Variants in BTBD1 observed in about 807,000 individuals in gnomAD.
BTBD1 encodes the protein BTB/POZ domain-containing protein 1.
Under a neutral mutation model 48.0 loss-of-function variants are expected in BTBD1, and 34 were observed. The ratio of observed to expected loss-of-function variants is 0.71; its 90% CI spans 0.54 to 0.94. The LOEUF is 0.94. Ranked by LOEUF, BTBD1 falls within the 40% of genes least tolerant of loss-of-function variation. BTBD1 has a pLI of 0.00. For synonymous variants in BTBD1, 261 were observed against 242.1 expected, an observed-to-expected ratio of 1.08 and a Z score of -0.72; for missense variants, 543 against 625.6, an observed-to-expected ratio of 0.87 and a Z score of 1.41.
chr15:83,058,254 T>A (rs1458079293), intron 1 of BTBD1, among the ~76,000 whole-genome samples: 1 of 152,264 alleles, frequency 6.6e-6, no homozygotes, highest in African/African-American at 2.4e-5. Flanking sequence ...TCCAGATTCA[T>A]CTACTCTAGT....
chr15:83,055,305 T>C (rs952921646), intron 2 of BTBD1, among the ~76,000 whole-genome samples: 4 of 152,240 alleles, frequency 2.6e-5, no homozygotes, highest in Admixed American at 2.6e-4. Context: ...TCACCCAAGC[T>C]GGACTGCAAT....
Position 83,018,753 on chromosome 15 carries a change from A to T in BTBD1, c.1244T>A (p.Ile415Lys). The change falls in exon 7 of 8, where the codon ATA (isoleucine) becomes AAA (lysine). Residue 415 changes from isoleucine to lysine, a missense_variant. Around this residue, in one of 3 missense-constraint regions of BTBD1, gnomAD observed 300 missense variants for 350.0 expected, o/e 0.86. Transcript: ENST00000261721. ...GTAGCACACATTGGGCAGGATCTCT[A>T]TGGGTTCCTTGAACATGACCCTGAA... ...NTFRVMFKEP[I>K]EILPNVCYTA... 6.2e-7 allele frequency: 1 copy of T among 1,614,048 alleles called. No individual in the cohort carries two copies. The highest frequency in any genetic ancestry group is 2.2e-5 in the East Asian group (1 of 44,874).
At chr15:83,026,884 T>A (rs1383997040) in intron 5 of BTBD1, among the ~76,000 whole-genome samples, 1 of 152,182 alleles carries the variant, frequency 6.6e-6, no homozygotes, top group Non-Finnish European at 1.5e-5. Context: ...ACAGAAGGAA[T>A]ATACAGTCAA....
chr15:83,062,512 G>A (rs181196800), intron 1 of BTBD1, among the ~76,000 whole-genome samples: 1 of 152,298 alleles, frequency 6.6e-6, no homozygotes, highest in East Asian at 1.9e-4. Context: ...AAAAGCTATT[G>A]CAGGGGGATA....
intron 2 of BTBD1, among the ~76,000 whole-genome samples, chr15:83,055,180 C>CT (rs1474148823): frequency 3.3e-5 from 5 of 152,106 alleles, no homozygotes; most frequent in African/African-American, 1.2e-4. Flanking sequence ...ATGCTAAATA[C>CT]TATATGTTAA....
intron 5 of BTBD1, among the ~76,000 whole-genome samples, chr15:83,026,750 G>A (rs1442746846): frequency 3.3e-5 from 5 of 151,864 alleles, no homozygotes; most frequent in Admixed American, 1.3e-4. Flanking sequence ...TCGAGCTCCC[G>A]ACCTGAGGTG....
At chr15:83,026,774 G>A (rs2032416880) in intron 5 of BTBD1, among the ~76,000 whole-genome samples, 2 of 151,842 alleles carry the variant, frequency 1.3e-5, no homozygotes, top group Admixed American at 6.6e-5. Context: ...CGCCCGCCTC[G>A]GCCTCCCAAA....
At chr15:83,053,607 A>T (rs1001505041) in intron 2 of BTBD1, among the ~76,000 whole-genome samples, 1 of 152,196 alleles carries the variant, frequency 6.6e-6, no homozygotes, top group Admixed American at 6.5e-5. Context: ...TAGTTAAGTG[A>T]TCGTCTCTAC....
At chr15:83,054,884 A>T (rs1477163857) in intron 2 of BTBD1, among the ~76,000 whole-genome samples, 2 of 152,138 alleles carry the variant, frequency 1.3e-5, no homozygotes, top group African/African-American at 4.8e-5. Flanking sequence ...TCTAAATGAT[A>T]GAATGAACAC....
intron 3 of BTBD1, among the ~76,000 whole-genome samples, chr15:83,043,435 A>C (rs756147394): frequency 6.6e-6 from 1 of 152,128 alleles, no homozygotes; most frequent in Non-Finnish European, 1.5e-5. Flanking sequence ...TTTTACTCTA[A>C]GTGACATGGA....
chr15:83,018,276 G>T, intron 7 of BTBD1, 51 bp from the exon 8 acceptor site: 1 of 1,368,324 alleles, frequency 7.3e-7, no homozygotes, highest in Non-Finnish European at 9.9e-7. Flanking sequence ...TAAGCACTCA[G>T]TTTAATGTGG....
intron 1 of BTBD1, among the ~76,000 whole-genome samples, chr15:83,066,468 C>G (rs1166441004): frequency 6.6e-6 from 1 of 152,168 alleles, no homozygotes; most frequent in Non-Finnish European, 1.5e-5. Flanking sequence ...GAAGTCTGAG[C>G]GACAATCCAT....
chr15:83,045,502 A>G (rs1052441204), intron 3 of BTBD1, among the ~76,000 whole-genome samples: 2 of 150,380 alleles, frequency 1.3e-5, no homozygotes, highest in Non-Finnish European at 2.9e-5. Context: ...CTGCCTCAAA[A>G]AAACAAACAA....
intron 2 of BTBD1, 127 bp from the exon 3 acceptor site, chr15:83,050,305 C>G (rs12437558): frequency 0.19 from 103,538 of 550,958 alleles, 10,974 homozygotes; most frequent in Admixed American, 0.23. Context: ...TTAAAATACA[C>G]GCAATAATGT....
At chr15:83,020,451 A>G (rs1596419893) in intron 6 of BTBD1, 1 of 420,186 alleles carries the variant, frequency 2.4e-6, no homozygotes, top group East Asian at 3.9e-5. Flanking sequence ...CTGGACAAAG[A>G]AGAGCTCCTT....
At chr15:83,046,389 C>G (rs1313342357) in intron 3 of BTBD1, among the ~76,000 whole-genome samples, 1 of 152,160 alleles carries the variant, frequency 6.6e-6, no homozygotes, top group Non-Finnish European at 1.5e-5. Flanking sequence ...GAAGTTAAAG[C>G]TGAGAACCAA....
At position 83,018,697 on chromosome 15, in the gene BTBD1, T is replaced by G. The variant is rs755549700; in HGVS notation, c.1290+10A>C. The G allele has an allele frequency of 1.2e-6, 2 of 1,613,060 alleles. No homozygotes were observed. Among genetic ancestry groups the G allele is most frequent in the Admixed American group, 1.7e-5 (1 of 59,834 alleles). ...AGGAAACCATCTGGAACATAGTGCA[T>G]GACTCTTACTTTGAGTGTTGCACAT... On this transcript the variant is annotated intron_variant, in intron 7 of 7. Coordinates refer to ENST00000261721, the MANE Select transcript of BTBD1 (RefSeq NM_025238.4).
At chr15:83,064,673 C>T (rs542137144) in intron 1 of BTBD1, among the ~76,000 whole-genome samples, 54 of 151,660 alleles carry the variant, frequency 3.6e-4, no homozygotes, top group Non-Finnish European at 7.4e-4. Context: ...AAGGTCTCAC[C>T]TCCAAATATT....
intron 4 of BTBD1, among the ~76,000 whole-genome samples, chr15:83,034,389 T>C (rs949748343): frequency 3.9e-5 from 6 of 152,134 alleles, no homozygotes; most frequent in Admixed American, 1.3e-4. Context: ...TGAGGCAAGC[T>C]GATCATTTGA....
Sources: gnomAD v4.1 joint callset for allele counts (sites outside exome capture counted in the v4.1 genomes callset) on GRCh38, gnomAD v4.1.1 for gene constraint, gnomAD v4.1.1 regional missense constraint, MANE v1.5 for transcripts, NCBI Gene and HGNC (gene_info 2026-07-23, HGNC 2026-07-21) for gene names.